The following WDR72 variants were observed in gnomAD, a reference collection of about 807,000 sequenced individuals.
The protein encoded by WDR72 is WD repeat-containing protein 72.
Under a neutral mutation model 124.2 loss-of-function variants are expected in WDR72, and 120 were observed. The ratio of observed to expected loss-of-function variants is 0.97; its 90% CI spans 0.83 to 1.12. The LOEUF (loss-of-function observed/expected upper bound fraction) is 1.12. WDR72 is among the 50% of genes most tolerant of loss of function. The pLI is 0.00. For synonymous variants in WDR72, 452 were observed against 441.7 expected (o/e 1.02, Z -0.29); for missense variants, 1,387 against 1,278.8 (o/e 1.08, Z -1.29).
intron 1 of WDR72, among the ~76,000 whole-genome samples, chr15:53,734,746 AAG>A (rs1491463491): frequency 2.0e-5 from 3 of 152,026 alleles, no homozygotes; most frequent in African/African-American, 7.2e-5. Flanking sequence ...GAAGATAAGA[AAG>A]AGTATTTCCA....
At chr15:53,545,626 C>T (rs1490294227) in intron 18 of WDR72, among the ~76,000 whole-genome samples, 1 of 150,930 alleles carries the variant, frequency 6.6e-6, no homozygotes, top group Non-Finnish European at 1.5e-5. Context: ...GTCCAAAACA[C>T]CAAAAGCAAT....
chr15:53,675,735 T>C (rs1314431394), intron 13 of WDR72, among the ~76,000 whole-genome samples: 2 of 152,224 alleles, frequency 1.3e-5, no homozygotes, highest in Non-Finnish European at 2.9e-5. Context: ...ATTAATTTAA[T>C]CAGATCAATA....
chr15:53,692,413 ACAGTAATT>A (rs1367274232), intron 13 of WDR72, among the ~76,000 whole-genome samples: 1 of 152,210 alleles, frequency 6.6e-6, no homozygotes, highest in Non-Finnish European at 1.5e-5. Context: ...ACACACTAGT[ACAGTAATT>A]CATGAAGGAT....
intron 18 of WDR72, among the ~76,000 whole-genome samples, chr15:53,591,684 C>G (rs2012505289): frequency 9.8e-6 from 1 of 101,850 alleles, no homozygotes; most frequent in Non-Finnish European, 2.0e-5. Context: ...ACAACACACA[C>G]AACACACACA....
chr15:53,755,891 T>C (rs1208634726), intron 1 of WDR72, among the ~76,000 whole-genome samples: 1 of 152,226 alleles, frequency 6.6e-6, no homozygotes, highest in African/African-American at 2.4e-5. Flanking sequence ...GCTCAGTCTC[T>C]AATAGAAAAG....
intron 19 of WDR72, among the ~76,000 whole-genome samples, chr15:53,521,827 G>C (rs1249618809): frequency 6.6e-6 from 1 of 151,174 alleles, no homozygotes; most frequent in Non-Finnish European, 1.5e-5. Flanking sequence ...ATAAAAATTT[G>C]GCAACATTAG....
intron 19 of WDR72, 122 bp from the exon 20 acceptor site, chr15:53,517,876 A>G: frequency 1.1e-6 from 1 of 905,332 alleles, no homozygotes; most frequent in Non-Finnish European, 1.8e-6. Context: ...AAGAAGGGAG[A>G]GAATGAGGAA....
intron 18 of WDR72, among the ~76,000 whole-genome samples, chr15:53,548,189 T>G (rs954364515): frequency 4.6e-5 from 7 of 152,230 alleles, no homozygotes; most frequent in Non-Finnish European, 1.0e-4. Context: ...TCTACCTAAA[T>G]CATCTTTTCT....
intron 2 of WDR72, 97 bp downstream of exon 2, chr15:53,732,900 A>T: frequency 2.8e-6 from 4 of 1,435,662 alleles, no homozygotes; most frequent in Non-Finnish European, 3.9e-6. Context: ...TCTTTTTAAC[A>T]ATCATGCAAA....
chr15:53,697,262 G>A (rs1044016065), intron 13 of WDR72, among the ~76,000 whole-genome samples: 1 of 152,120 alleles, frequency 6.6e-6, no homozygotes, highest in East Asian at 1.9e-4. Context: ...AACCCACTCC[G>A]TCCTTTCCTA....
intron 1 of WDR72, among the ~76,000 whole-genome samples, chr15:53,755,260 T>C (rs2018870552): frequency 6.6e-6 from 1 of 152,242 alleles, no homozygotes; most frequent in African/African-American, 2.4e-5. Flanking sequence ...AAGAAGATAC[T>C]TTAAATGCTT....
intron 18 of WDR72, among the ~76,000 whole-genome samples, chr15:53,581,812 T>C (rs2011943712): frequency 6.6e-6 from 1 of 152,114 alleles, no homozygotes. Flanking sequence ...AATTGTACTT[T>C]ATATTAGAAA....
intron 14 of WDR72, among the ~76,000 whole-genome samples, chr15:53,634,096 T>C (rs2014534215): frequency 6.6e-6 from 1 of 152,234 alleles, no homozygotes; most frequent in African/African-American, 2.4e-5. Flanking sequence ...GAGTAATTCA[T>C]AGTTTAAAAA....
intron 19 of WDR72, among the ~76,000 whole-genome samples, chr15:53,521,766 G>A (rs1891811135): frequency 6.6e-6 from 1 of 152,000 alleles, no homozygotes; most frequent in African/African-American, 2.4e-5. Flanking sequence ...AGATTTACCT[G>A]TCTGACAAAA....
intron 14 of WDR72, among the ~76,000 whole-genome samples, chr15:53,646,447 C>T (rs2015045048): frequency 6.6e-6 from 1 of 151,970 alleles, no homozygotes; most frequent in Non-Finnish European, 1.5e-5. Flanking sequence ...ACAAACTGCT[C>T]ATCATTTTTG....
At chr15:53,625,507 G>A (rs1463209776) in intron 14 of WDR72, among the ~76,000 whole-genome samples, 2 of 152,186 alleles carry the variant, frequency 1.3e-5, no homozygotes, top group East Asian at 1.9e-4. Context: ...GAGAGTTTGG[G>A]AGTAAAATAA....
At chr15:53,532,241 T>A (rs1165652215) in intron 18 of WDR72, among the ~76,000 whole-genome samples, 1 of 152,052 alleles carries the variant, frequency 6.6e-6, no homozygotes, top group Non-Finnish European at 1.5e-5. Context: ...TGGAGGTTTC[T>A]CAAAAACTAA....
At chr15:53,564,264 T>G (rs1231814460) in intron 18 of WDR72, among the ~76,000 whole-genome samples, 1 of 151,808 alleles carries the variant, frequency 6.6e-6, no homozygotes, top group Non-Finnish European at 1.5e-5. Flanking sequence ...CAAATTTATA[T>G]GAGGAATAGT....
intron 14 of WDR72, among the ~76,000 whole-genome samples, chr15:53,619,124 C>T (rs1036843998): frequency 1.3e-5 from 2 of 152,124 alleles, no homozygotes; most frequent in East Asian, 1.9e-4. Flanking sequence ...ATTTCTTACT[C>T]ATATTTTAAA....
Sources: gnomAD v4.1 joint callset for allele counts (sites outside exome capture counted in the v4.1 genomes callset) on GRCh38, gnomAD v4.1.1 for gene constraint, MANE v1.5 for transcripts, NCBI Gene and HGNC (gene_info 2026-07-23, HGNC 2026-07-21) for gene names.